DCLK1: variants seen among roughly 807,000 people sequenced by gnomAD.
DCLK1 encodes serine/threonine-protein kinase DCLK1.
Under a neutral mutation model 86.2 loss-of-function variants are expected in DCLK1, and 16 were observed. The ratio of observed to expected loss-of-function variants is 0.19; its 90% CI spans 0.13 to 0.28. The LOEUF (loss-of-function observed/expected upper bound fraction) is 0.28, where lower values mean the gene tolerates loss of function less well. Among genes scored for constraint, DCLK1 ranks in the 10% least tolerant of loss-of-function variants. The pLI is 1.00. For synonymous variants in DCLK1, 369 were observed against 370.5 expected, an observed-to-expected ratio of 1.00 and a Z score of 0.05; for missense variants, 590 against 940.2, an observed-to-expected ratio of 0.63 and a Z score of 4.87.
rs1555352808 is a variant in DCLK1, at chr13:35,958,131, A to ACTACAACCATTACCACCATCACTG, written c.724-10675_724-10674insCAGTGATGGTGGTAATGGTTGTAG. 2.1e-3 allele frequency among the ~76,000 whole-genome samples: 105 copies of ACTACAACCATTACCACCATCACTG among 49,698 alleles called. 1 individual carries two copies. The highest frequency in any genetic ancestry group is 5.8e-3 in the African/African-American group (102 of 17,440). 32.6% of individuals were successfully genotyped at this position (49,698 alleles called of 152,430 possible). On this transcript the variant is annotated intron_variant, in intron 3 of 16. Transcript: ENST00000360631. The stretch of plus-strand genomic sequence containing the variant: ...CACCATCACCACCACCACTACCACT[A>ACTACAACCATTACCACCATCACTG]CTATAACCACCACCACCACCACTAT...
intron 8 of DCLK1, among the ~76,000 whole-genome samples, chr13:35,830,723 C>T (rs995399765): frequency 6.6e-6 from 1 of 152,166 alleles, no homozygotes; most frequent in African/African-American, 2.4e-5. Flanking sequence ...CCTGGGTAAC[C>T]ATCAGCAATC....
chr13:36,126,180 A>G (rs758247585), intron 1 of DCLK1, 24 bp from the exon 2 acceptor site: 15 of 1,526,168 alleles, frequency 9.8e-6, no homozygotes, highest in Non-Finnish European at 7.0e-6. Context: ...AAACAAAAGC[A>G]GACACACATA....
intron 3 of DCLK1, among the ~76,000 whole-genome samples, chr13:36,085,916 T>C (rs80000978): frequency 0.043 from 6,468 of 152,182 alleles, 157 homozygotes; most frequent in African/African-American, 0.074. Context: ...GACAAATATT[T>C]CATTGCATAT....
At chr13:36,015,927 G>T (rs1421530463) in intron 3 of DCLK1, among the ~76,000 whole-genome samples, 1 of 152,122 alleles carries the variant, frequency 6.6e-6, no homozygotes, top group East Asian at 1.9e-4. Context: ...GCAAATCCAA[G>T]CATAAACAGG....
intron 4 of DCLK1, among the ~76,000 whole-genome samples, chr13:35,945,921 T>C (rs372186647): frequency 1.2e-4 from 18 of 152,302 alleles, no homozygotes; most frequent in African/African-American, 4.1e-4. Context: ...ATAAATCTCT[T>C]CACATGACAC....
At chr13:36,013,874 A>T (rs1881408263) in intron 3 of DCLK1, among the ~76,000 whole-genome samples, 2 of 152,202 alleles carry the variant, frequency 1.3e-5, no homozygotes, top group Non-Finnish European at 2.9e-5. Flanking sequence ...GCTAGCAATC[A>T]GCGAGATTCC....
intron 3 of DCLK1, among the ~76,000 whole-genome samples, chr13:35,977,472 C>T (rs542591614): frequency 1.3e-5 from 2 of 152,270 alleles, no homozygotes; most frequent in South Asian, 4.1e-4. Context: ...ATCACGAAGC[C>T]CTTTTGACTT....
intron 3 of DCLK1, among the ~76,000 whole-genome samples, chr13:36,060,935 A>G (rs1449541274): frequency 6.6e-6 from 1 of 152,204 alleles, no homozygotes; most frequent in African/African-American, 2.4e-5. Flanking sequence ...ATTATGTCAG[A>G]TGTGATGAAT....
intron 5 of DCLK1, among the ~76,000 whole-genome samples, chr13:35,865,237 C>T (rs995508753): frequency 1.3e-5 from 2 of 152,056 alleles, no homozygotes; most frequent in Non-Finnish European, 2.9e-5. Flanking sequence ...CAGAGTGAGA[C>T]CCTGTCTCAA....
rs534307403 is a variant in DCLK1 at position 35,787,147 on chromosome 13, T to C, written c.2058+6219A>G. 2.6e-4 allele frequency among the ~76,000 whole-genome samples: 39 copies of C among 151,756 alleles called. No homozygotes were observed. The East Asian group carries it at 7.5e-3, about 29-fold the overall frequency. ...AACATATATACTTTATATGTGCATA[T>C]ATACACACATACATATATATTTTAA... is the stretch of plus-strand genomic sequence containing the variant. On this transcript the variant is annotated intron_variant, in intron 16 of 16. Coordinates refer to ENST00000360631, the MANE Select transcript of DCLK1 (RefSeq NM_001330071.2).
At position 35,810,820 on chromosome 13, in the gene DCLK1, A is replaced by G. The variant is rs764506251; in HGVS notation, c.1688+15T>C. 2.5e-6 allele frequency: 4 copies of G among 1,612,594 alleles called. No homozygotes were observed. In the South Asian group the frequency reaches 3.3e-5, roughly 13 times the overall value. On this transcript the variant is annotated intron_variant, in intron 12 of 16. Coordinates refer to ENST00000360631, the MANE Select transcript of DCLK1 (RefSeq NM_001330071.2). ...TTTTGCAAGCATAGCACTTAAACAT[A>G]AGAGAAGCATTTACCCAGTCTCTGC...
At chr13:36,125,045 G>A (rs754580923) in intron 2 of DCLK1, among the ~76,000 whole-genome samples, 5 of 152,094 alleles carry the variant, frequency 3.3e-5, no homozygotes, top group Non-Finnish European at 7.4e-5. Flanking sequence ...ATACCAGGCT[G>A]CATCCGTGGA....
chr13:35,857,596 C>T (rs1218093270), intron 5 of DCLK1, among the ~76,000 whole-genome samples: 1 of 152,218 alleles, frequency 6.6e-6, no homozygotes, highest in Non-Finnish European at 1.5e-5. Flanking sequence ...TGCCGCATCT[C>T]CTTTGCTGTG....
At chr13:35,775,886 A>C (rs900518572) in intron 16 of DCLK1, among the ~76,000 whole-genome samples, 1 of 152,182 alleles carries the variant, frequency 6.6e-6, no homozygotes, top group South Asian at 2.1e-4. Context: ...TTAGATCTAA[A>C]ATAGGCCAAT....
intron 3 of DCLK1, among the ~76,000 whole-genome samples, chr13:35,994,019 C>G (rs190676614): frequency 2.6e-4 from 40 of 151,920 alleles, no homozygotes; most frequent in Middle Eastern, 6.8e-3. Context: ...GTACTTTTCT[C>G]TCATCTGCAA....
chr13:35,943,041 A>C (rs567421002), intron 4 of DCLK1, among the ~76,000 whole-genome samples: 1 of 152,332 alleles, frequency 6.6e-6, no homozygotes, highest in Admixed American at 6.5e-5. Flanking sequence ...TCCAGTCCGA[A>C]TCCTGGTACC....
chr13:35,933,517 T>C (rs1326472323), intron 4 of DCLK1, among the ~76,000 whole-genome samples: 1 of 152,200 alleles, frequency 6.6e-6, no homozygotes, highest in African/African-American at 2.4e-5. Context: ...CTCTGACATC[T>C]CGGCAGAAGT....
intron 3 of DCLK1, among the ~76,000 whole-genome samples, chr13:35,987,682 A>G (rs1879998155): frequency 6.6e-6 from 1 of 152,150 alleles, no homozygotes; most frequent in Non-Finnish European, 1.5e-5. Context: ...CACGGATGAA[A>G]TGGGAGGAGG....
chr13:35,964,270 A>G (rs745799055), intron 3 of DCLK1, among the ~76,000 whole-genome samples: 11 of 152,230 alleles, frequency 7.2e-5, no homozygotes, highest in Admixed American at 2.0e-4. Flanking sequence ...ATATGCCGTG[A>G]AGTGCCAGGT....
Sources: allele counts gnomAD v4.1 joint callset (sites outside exome capture counted in the v4.1 genomes callset), GRCh38; gene constraint gnomAD v4.1.1; transcripts MANE v1.5; gene names NCBI Gene and HGNC (gene_info 2026-07-23, HGNC 2026-07-21).